KIF2C: variants seen among roughly 807,000 people sequenced by gnomAD.
The protein encoded by KIF2C is kinesin-like protein KIF2C.
Under a neutral mutation model 97.4 loss-of-function variants are expected in KIF2C, and 34 were observed. The ratio of observed to expected loss-of-function variants is 0.35; its 90% confidence interval spans 0.27 to 0.46. The LOEUF (loss-of-function observed/expected upper bound fraction) is 0.46. Among genes scored for constraint, KIF2C ranks in the 20% least tolerant of loss-of-function variants. The pLI is 1.00. For missense variants in KIF2C, 750 were observed against 907.6 expected, an observed-to-expected ratio of 0.83 and a Z score of 2.23; for synonymous variants, 313 against 318.2, an observed-to-expected ratio of 0.98 and a Z score of 0.17.
intron 2 of KIF2C, chr1:44,746,770 A>G (rs1649217424): frequency 1.9e-6 from 3 of 1,606,028 alleles, no homozygotes; most frequent in African/African-American, 2.7e-5. Flanking sequence ...GTAAACCATT[A>G]TTAAGGAGTA....
intron 8 of KIF2C, among the ~76,000 whole-genome samples, 153 bp from the exon 9 acceptor site, chr1:44,755,776 G>A (rs1469734419): frequency 1.3e-5 from 2 of 152,180 alleles, no homozygotes; most frequent in Non-Finnish European, 2.9e-5. Flanking sequence ...GTGCTCTGGA[G>A]TATCTAATGG....
In KIF2C at chr1:44,753,194, G is replaced by A; in HGVS notation, c.502G>A (p.Glu168Lys). 1.2e-6 allele frequency: 2 copies of A among 1,614,044 alleles called. No individual in the cohort carries two copies. Among genetic ancestry groups the A allele is most frequent in the Non-Finnish European group, 1.7e-6 (2 of 1,179,940 alleles). Residue 168 changes from glutamate (E) to lysine (K), a missense_variant, in exon 6 of 21, where the codon GAG becomes AAG. Transcript: ENST00000372224. ...AATACCATTGAGGATGGTCAGCGAGGAGATGGAAGAGCAAGTCCATTCCAT... is the reference window on the plus strand; with the variant it reads ...AATACCATTGAGGATGGTCAGCGAGAAGATGGAAGAGCAAGTCCATTCCAT... ...AEIPLRMVSE[E>K]MEEQVHSIRG... is the part of the protein sequence containing the mutation.
At chr1:44,757,151 A>G (rs1008141507) in intron 10 of KIF2C, among the ~76,000 whole-genome samples, 1 of 152,072 alleles carries the variant, frequency 6.6e-6, no homozygotes, top group African/African-American at 2.4e-5. Context: ...TCCTGAGTTC[A>G]GGTGATCCAC....
intron 2 of KIF2C, among the ~76,000 whole-genome samples, chr1:44,741,399 A>T (rs1460726520): frequency 2.6e-5 from 4 of 151,472 alleles, no homozygotes; most frequent in Non-Finnish European, 5.9e-5. Flanking sequence ...AAAAAAAAAA[A>T]ATTGGCTGGG....
chr1:44,760,758 C>A lies in KIF2C; in HGVS notation c.1683+56C>A. On this transcript the variant is annotated intron_variant, in intron 16 of 20. Coordinates refer to ENST00000372224, the MANE Select transcript of KIF2C (RefSeq NM_006845.4). This position sits in a 1 kb window ranked among gnomAD's most constrained non-coding sequence, Gnocchi z 4.2. Reference sequence around the variant, plus strand: ...CAGGAGGAGACAGAGTTGCTTTCCACAGAGACACTTAGTCCTGTCCCTGGG... The same window carrying A: ...CAGGAGGAGACAGAGTTGCTTTCCAAAGAGACACTTAGTCCTGTCCCTGGG... 1 of 1,402,270 alleles carries A rather than the reference C, an allele frequency of 7.1e-7. No individual in the cohort carries two copies. The highest frequency in any genetic ancestry group is 1.0e-6 in the Non-Finnish European group (1 of 992,528). 86.9% of individuals were successfully genotyped at this position (1,402,270 alleles called of 1,614,324 possible).
intron 2 of KIF2C, chr1:44,746,884 T>G: frequency 9.7e-7 from 1 of 1,031,606 alleles, no homozygotes; most frequent in Admixed American, 2.9e-5. Flanking sequence ...TCTATGTTGT[T>G]TTTTTGTTTG....
chr1:44,740,392 G>T (rs1648873886), intron 1 of KIF2C, among the ~76,000 whole-genome samples: 1 of 152,162 alleles, frequency 6.6e-6, no homozygotes, highest in African/African-American at 2.4e-5. Flanking sequence ...TCAGGTAAAC[G>T]GGACAGACAA....
In KIF2C at chr1:44,756,289, T is replaced by G. The variant is rs753871358; in HGVS notation, c.977+52T>G. The G allele has an allele frequency of 1.9e-6, 3 of 1,565,516 alleles. No homozygotes were observed. The South Asian group carries it at 3.4e-5, about 18-fold the overall frequency. On this transcript the variant is annotated intron_variant, in intron 10 of 20. Transcript: ENST00000372224. ...TCCTTGTGCCCTTCCATCCCCTTTT[T>G]TTGTGGGACATCGTGGTAACACTAC...
Position 44,745,464 on chromosome 1 carries a change from C to CTT in KIF2C, c.166-1895_166-1894dup, listed in dbSNP as rs869293971. Reference sequence around the variant, plus strand: ...TCATGGTGGCAGGGGTTGTATATGTCTTTTTTTTTTTTTTTTTTTTTTTTT... The same window carrying CTT: ...TCATGGTGGCAGGGGTTGTATATGTCTTTTTTTTTTTTTTTTTTTTTTTTTTT... On this transcript the variant is annotated intron_variant, in intron 2 of 20. Coordinates refer to ENST00000372224, the MANE Select transcript of KIF2C (RefSeq NM_006845.4). Among the ~76,000 whole-genome samples the CTT allele has an allele frequency of 2.4e-3, 91 of 38,352 alleles. 18 individuals are homozygous for CTT. The highest frequency in any genetic ancestry group is 3.1e-3 in the Non-Finnish European group (68 of 21,788). The allele number at this position is 38,352 out of a possible 152,430, so 25.2% of individuals were successfully genotyped here. A position where few individuals can be genotyped will look rare whatever the true frequency, so the allele number is the denominator to read the frequency against.
intron 10 of KIF2C, 41 bp downstream of exon 10, chr1:44,756,278 C>T: frequency 6.3e-7 from 1 of 1,596,942 alleles, no homozygotes; most frequent in East Asian, 2.2e-5. Context: ...TGTGCCCTTC[C>T]ATCCCCTTTT....
chr1:44,760,120 G>A lies in KIF2C; in HGVS notation c.1368-160G>A, dbSNP rs1573572566. 6.6e-6 allele frequency among the ~76,000 whole-genome samples: 1 copy of A among 152,284 alleles called. No individual in the cohort carries two copies. Among genetic ancestry groups the A allele is most frequent in the African/African-American group, 2.4e-5 (1 of 41,566 alleles). ...AATGTATTAGGTCCAGAGCTGGAGG[G>A]AGAATTGCTACCCAGGGAGGGCAAG... On this transcript the variant is annotated intron_variant, in intron 14 of 20. Coordinates refer to ENST00000372224, the MANE Select transcript of KIF2C (RefSeq NM_006845.4). The surrounding 1 kb of genome is among the most constrained non-coding windows in gnomAD (Gnocchi z 4.2).
In KIF2C at chr1:44,754,732, A is replaced by C; in HGVS notation, c.664-18A>C. The C allele has an allele frequency of 6.7e-7, 1 of 1,500,966 alleles. No individual in the cohort carries two copies. 93.0% of individuals were successfully genotyped at this position (1,500,966 alleles called of 1,614,324 possible). A position where few individuals can be genotyped will look rare whatever the true frequency, so the allele number is the denominator to read the frequency against. On this transcript the variant is annotated intron_variant, in intron 7 of 20. Transcript: ENST00000372224. ...ATATCTTAACAGTCTGCCCTTTTTCACTCTCGTCTCAAACCAGGAGTATGA... is the reference window on the plus strand; with the variant it reads ...ATATCTTAACAGTCTGCCCTTTTTCCCTCTCGTCTCAAACCAGGAGTATGA...
At chr1:44,759,613 A>G (rs181913523) in intron 14 of KIF2C, among the ~76,000 whole-genome samples, 12 of 152,314 alleles carry the variant, frequency 7.9e-5, no homozygotes, top group African/African-American at 2.2e-4. Flanking sequence ...ACTTCAGGCC[A>G]GGAGTTAGAG....
At chr1:44,742,718 C>CAAAAAA (rs5773851) in intron 2 of KIF2C, among the ~76,000 whole-genome samples, 2 of 87,354 alleles carry the variant, frequency 2.3e-5, no homozygotes, top group Non-Finnish European at 2.2e-5. Context: ...AACTTCGTCT[C>CAAAAAA]AAAAAAAAAA....
At chr1:44,765,204 A>G (rs1650387551) in intron 19 of KIF2C, among the ~76,000 whole-genome samples, 1 of 152,154 alleles carries the variant, frequency 6.6e-6, no homozygotes, top group Non-Finnish European at 1.5e-5. Flanking sequence ...AAGGAAGATC[A>G]CTTGAGCTCA....
chr1:44,755,866 A>C, intron 8 of KIF2C, 63 bp from the exon 9 acceptor site: 2 of 1,492,086 alleles, frequency 1.3e-6, no homozygotes, highest in Non-Finnish European at 1.9e-6. Context: ...AGTTCTGGAC[A>C]AGCTCGCTTT....
intron 11 of KIF2C, 64 bp from the exon 12 acceptor site, chr1:44,757,844 C>G: frequency 1.3e-6 from 2 of 1,505,840 alleles, no homozygotes; most frequent in Non-Finnish European, 1.8e-6. Flanking sequence ...AGTGAAGGAG[C>G]CAGTAGTGCT....
At chr1:44,765,704 G>A (rs964949785) in intron 19 of KIF2C, among the ~76,000 whole-genome samples, 27 of 152,234 alleles carry the variant, frequency 1.8e-4, no homozygotes, top group Middle Eastern at 6.8e-3. Flanking sequence ...GTGTGGTGGC[G>A]CGTACCTGTA....
Position 44,760,828 on chromosome 1 carries a change from C to G in KIF2C, c.1683+126C>G. 1 of 716,910 alleles carries G rather than the reference C, an allele frequency of 1.4e-6. No individual in the cohort carries two copies. Among genetic ancestry groups the G allele is most frequent in the East Asian group, 2.7e-5 (1 of 37,216 alleles). 44.4% of individuals were successfully genotyped at this position (716,910 alleles called of 1,614,324 possible). A position where few individuals can be genotyped will look rare whatever the true frequency, so the allele number is the denominator to read the frequency against. ...GGCTGCCTGGGTTTCCAGGCTGTAC[C>G]GTGACTGGGCTTCCAGACCCTGCTT... On this transcript the variant is annotated intron_variant, in intron 16 of 20. Transcript: ENST00000372224. This position sits in a 1 kb window ranked among gnomAD's most constrained non-coding sequence, Gnocchi z 4.2.
Sources: gnomAD v4.1 joint callset for allele counts (sites outside exome capture counted in the v4.1 genomes callset) on GRCh38, gnomAD v4.1.1 for gene constraint, Gnocchi (gnomAD v3.1) non-coding constraint, MANE v1.5 for transcripts, NCBI Gene and HGNC (gene_info 2026-07-23, HGNC 2026-07-21) for gene names.